Variants in NBEA observed in about 807,000 individuals in gnomAD.
The protein encoded by NBEA is lysosomal-trafficking regulator 2.
Under a neutral mutation model 343.4 loss-of-function variants are expected in NBEA, and 44 were observed. That is an observed-to-expected ratio of 0.13 (90% CI 0.10 to 0.16). The LOEUF (loss-of-function observed/expected upper bound fraction) is 0.16, where lower values mean the gene tolerates loss of function less well. Ranked by LOEUF, NBEA falls within the 10% of genes least tolerant of loss-of-function variation. The pLI, the probability that NBEA is intolerant of heterozygous loss-of-function variation, is 1.00. For synonymous variants in NBEA, 1,175 were observed against 1,238.7 expected (o/e 0.95, Z 1.08); for missense variants, 2,555 against 3,631.3 (o/e 0.70, Z 7.62).
At chr13:35,613,603 G>T (rs1395689834) in intron 48 of NBEA, among the ~76,000 whole-genome samples, 1 of 144,772 alleles carries the variant, frequency 6.9e-6, no homozygotes, top group African/African-American at 2.6e-5. Flanking sequence ...TCTATTTTTA[G>T]TTGTTTTTGT....
At chr13:35,282,427 A>G (rs1239796523) in intron 34 of NBEA, among the ~76,000 whole-genome samples, 3 of 152,158 alleles carry the variant, frequency 2.0e-5, no homozygotes, top group Non-Finnish European at 1.5e-5. Context: ...TGAACCAGAC[A>G]TAGGTTAGTA....
At chr13:35,254,418 C>T (rs747588193) in intron 34 of NBEA, among the ~76,000 whole-genome samples, 1 of 149,434 alleles carries the variant, frequency 6.7e-6, no homozygotes, top group Non-Finnish European at 1.5e-5. Flanking sequence ...TGAACTCCTT[C>T]GCTAAGTTGA....
At chr13:34,980,588 A>G (rs2060325498) in intron 1 of NBEA, among the ~76,000 whole-genome samples, 2 of 152,072 alleles carry the variant, frequency 1.3e-5, no homozygotes, top group Non-Finnish European at 2.9e-5. Flanking sequence ...GAGGTGATTA[A>G]GTAATGAGGG....
chr13:35,476,088 G>C (rs1206660859), intron 41 of NBEA: 7 of 1,614,054 alleles, frequency 4.3e-6, no homozygotes, highest in Non-Finnish European at 5.9e-6. Flanking sequence ...GGCATTTTTC[G>C]TTGTAGTATT....
chr13:35,666,460 A>G (rs1405996591), intron 56 of NBEA, among the ~76,000 whole-genome samples: 1 of 151,902 alleles, frequency 6.6e-6, no homozygotes, highest in East Asian at 1.9e-4. Context: ...GGCGCCAAGA[A>G]AGAGACATTT....
At chr13:35,417,807 G>A (rs538315170) in intron 38 of NBEA, among the ~76,000 whole-genome samples, 70 of 152,162 alleles carry the variant, frequency 4.6e-4, no homozygotes, top group African/African-American at 1.3e-3. Context: ...TTTCTGTCGC[G>A]TTGATCTGTC....
At chr13:35,611,654 TA>T (rs1430231113) in intron 48 of NBEA, among the ~76,000 whole-genome samples, 3 of 152,336 alleles carry the variant, frequency 2.0e-5, no homozygotes, top group Non-Finnish European at 4.4e-5. Flanking sequence ...GTATTTCATA[TA>T]AAAGGAATTA....
chr13:35,308,568 ATATATATG>A (rs6144999), intron 35 of NBEA, among the ~76,000 whole-genome samples: 3,355 of 87,460 alleles, frequency 0.038, 124 homozygotes, highest in African/African-American at 0.091. Flanking sequence ...GTATATATGT[ATATATATG>A]TATATATGTA....
At chr13:35,376,049 T>C (rs554899094) in intron 38 of NBEA, among the ~76,000 whole-genome samples, 2 of 152,180 alleles carry the variant, frequency 1.3e-5, no homozygotes, top group East Asian at 1.9e-4. Context: ...TATATATTTA[T>C]TATTATTATT....
intron 1 of NBEA, among the ~76,000 whole-genome samples, chr13:34,972,119 T>C (rs897877537): frequency 1.3e-5 from 2 of 152,170 alleles, no homozygotes; most frequent in African/African-American, 4.8e-5. Context: ...ATTTTTAAGT[T>C]TATATGCATA....
chr13:35,233,464 A>G (rs747700509), intron 34 of NBEA, among the ~76,000 whole-genome samples: 1 of 152,132 alleles, frequency 6.6e-6, no homozygotes, highest in Non-Finnish European at 1.5e-5. Context: ...TTTGAATCCT[A>G]GTTCAACTAC....
intron 34 of NBEA, among the ~76,000 whole-genome samples, chr13:35,245,977 A>T (rs1425707510): frequency 6.6e-6 from 1 of 151,990 alleles, no homozygotes; most frequent in Admixed American, 6.6e-5. Context: ...GGCTTTGTTC[A>T]TTTTTAAATT....
intron 1 of NBEA, among the ~76,000 whole-genome samples, chr13:34,971,824 T>C (rs1184003949): frequency 6.6e-6 from 1 of 151,280 alleles, no homozygotes; most frequent in Non-Finnish European, 1.5e-5. Context: ...CTTTTCTTTT[T>C]TTTTTTTTGT....
At chr13:35,202,627 C>T (rs1474870057) in intron 31 of NBEA, among the ~76,000 whole-genome samples, 1 of 152,072 alleles carries the variant, frequency 6.6e-6, no homozygotes, top group African/African-American at 2.4e-5. Context: ...ACCACTTTTC[C>T]TGTCCCTTTG....
chr13:35,244,126 T>C (rs2030798142), intron 34 of NBEA, among the ~76,000 whole-genome samples: 2 of 151,752 alleles, frequency 1.3e-5, no homozygotes, highest in Middle Eastern at 3.4e-3. Context: ...AAATAAAAAC[T>C]AGAAGGAAAT....
chr13:35,172,149 GAT>G (rs1273842582), intron 26 of NBEA, among the ~76,000 whole-genome samples: 1 of 152,002 alleles, frequency 6.6e-6, no homozygotes, highest in Non-Finnish European at 1.5e-5. Flanking sequence ...GGACGTTCCT[GAT>G]ATGTACTGTT....
Position 35,659,762 on chromosome 13 carries a change from C to T in NBEA, c.8362+4013C>T, listed in dbSNP as rs116831264. 1.9e-3 allele frequency among the ~76,000 whole-genome samples: 282 copies of T among 152,218 alleles called. 1 individual carries two copies. The highest frequency in any genetic ancestry group is 6.5e-3 in the African/African-American group (271 of 41,518). Reference sequence around the variant, plus strand: ...ATTCATTGTTATTCTTTCAAACTCGCGGCTTTGAACGTATAAATTATCTTG... The same window carrying T: ...ATTCATTGTTATTCTTTCAAACTCGTGGCTTTGAACGTATAAATTATCTTG... On this transcript the variant is annotated intron_variant, in intron 55 of 58. Transcript: ENST00000379939.
intron 38 of NBEA, among the ~76,000 whole-genome samples, chr13:35,387,899 C>G (rs921892082): frequency 1.3e-5 from 2 of 152,078 alleles, no homozygotes; most frequent in East Asian, 3.9e-4. Context: ...CGCCTTTTCC[C>G]TGCAAGGAGA....
chr13:35,660,350 T>G (rs935963489), intron 55 of NBEA, among the ~76,000 whole-genome samples: 5 of 152,254 alleles, frequency 3.3e-5, no homozygotes. Flanking sequence ...ACAAAAATTT[T>G]TAAATCATAG....
Sources: allele counts gnomAD v4.1 joint callset (sites outside exome capture counted in the v4.1 genomes callset), GRCh38; gene constraint gnomAD v4.1.1; transcripts MANE v1.5; gene names NCBI Gene and HGNC (gene_info 2026-07-23, HGNC 2026-07-21).